The following EXOC2 variants were observed in gnomAD, a reference collection of about 807,000 sequenced individuals.
EXOC2 encodes the protein SEC5-like 1.
In EXOC2, 70 loss-of-function variants were observed where a neutral mutation model predicts 131.8. The ratio of observed to expected loss-of-function variants is 0.53; its 90% CI spans 0.44 to 0.65. The LOEUF is 0.65. EXOC2 is among the 30% of genes least tolerant of loss of function. The pLI, the probability that EXOC2 is intolerant of heterozygous loss-of-function variation, is 0.00. For synonymous variants in EXOC2, 411 were observed against 398.4 expected (o/e 1.03, Z -0.38); for missense variants, 923 against 1,108.6 (o/e 0.83, Z 2.38).
At chr6:608,354 C>T (rs974234181) in intron 7 of EXOC2, among the ~76,000 whole-genome samples, 1 of 152,126 alleles carries the variant, frequency 6.6e-6, no homozygotes, top group Non-Finnish European at 1.5e-5. Context: ...AAAAACATAT[C>T]CTAAGACAGC....
intron 1 of EXOC2, among the ~76,000 whole-genome samples, chr6:638,664 G>A (rs1053734800): frequency 6.6e-6 from 1 of 152,240 alleles, no homozygotes; most frequent in African/African-American, 2.4e-5. Flanking sequence ...CGGGTGCGGT[G>A]GCTCATGCCT....
At chr6:572,016 C>G (rs755696390) in intron 13 of EXOC2, among the ~76,000 whole-genome samples, 1 of 152,148 alleles carries the variant, frequency 6.6e-6, no homozygotes, top group Admixed American at 6.5e-5. Flanking sequence ...AGAAGGTGGA[C>G]GGGCTCATAA....
intron 1 of EXOC2, among the ~76,000 whole-genome samples, chr6:645,374 G>A (rs371411188): frequency 6.6e-5 from 10 of 152,104 alleles, no homozygotes; most frequent in Non-Finnish European, 1.2e-4. Flanking sequence ...TTACCTGGGC[G>A]TAGGTAAAGA....
intron 22 of EXOC2, among the ~76,000 whole-genome samples, chr6:535,677 T>C (rs1308592972): frequency 1.3e-5 from 2 of 152,174 alleles, no homozygotes; most frequent in African/African-American, 2.4e-5. Context: ...GACTTGACAA[T>C]GAGAACTTCA....
intron 22 of EXOC2, among the ~76,000 whole-genome samples, chr6:539,914 A>G (rs2127552449): frequency 6.6e-6 from 1 of 152,354 alleles, no homozygotes; most frequent in Admixed American, 6.5e-5. Context: ...TTACTGAACC[A>G]CAACTTGTCA....
intron 10 of EXOC2, 67 bp downstream of exon 10, chr6:597,954 G>A (rs1759910758): frequency 8.7e-7 from 1 of 1,149,086 alleles, no homozygotes; most frequent in Non-Finnish European, 1.3e-6. Flanking sequence ...TAGCCTTAAG[G>A]GTTACAAGAT....
At chr6:598,521 G>C (rs574210735) in intron 9 of EXOC2, among the ~76,000 whole-genome samples, 1 of 152,130 alleles carries the variant, frequency 6.6e-6, no homozygotes, top group South Asian at 2.1e-4. Flanking sequence ...TCAGTCTATG[G>C]GTCTCTCTGA....
At chr6:492,921 A>G (rs935475972) in intron 25 of EXOC2, among the ~76,000 whole-genome samples, 1 of 152,222 alleles carries the variant, frequency 6.6e-6, no homozygotes, top group Non-Finnish European at 1.5e-5. Flanking sequence ...ATATTTCATA[A>G]AAGTTTTAAG....
chr6:565,753 T>C (rs1250867674), intron 13 of EXOC2, among the ~76,000 whole-genome samples: 1 of 152,212 alleles, frequency 6.6e-6, no homozygotes, highest in Non-Finnish European at 1.5e-5. Context: ...AAGAGACCTT[T>C]CAAGTTAAGA....
At chr6:637,980 G>A (rs1434788614) in intron 1 of EXOC2, 119 bp from the exon 2 acceptor site, 1 of 649,596 alleles carries the variant, frequency 1.5e-6, no homozygotes, top group African/African-American at 1.9e-5. Context: ...ACAGAGTTTT[G>A]AATTTTTTAG....
intron 27 of EXOC2, among the ~76,000 whole-genome samples, chr6:487,983 A>C (rs1483181872): frequency 6.6e-6 from 1 of 152,226 alleles, no homozygotes; most frequent in Non-Finnish European, 1.5e-5. Context: ...ATTTATTTTA[A>C]AGAAATGAAC....
intron 11 of EXOC2, among the ~76,000 whole-genome samples, chr6:580,049 T>G (rs1272605970): frequency 1.5e-4 from 3 of 20,292 alleles, no homozygotes; most frequent in Non-Finnish European, 2.2e-4. Context: ...GTTTTTTTTG[T>G]TTTTTTTTTT....
chr6:629,613 G>T (rs146384237), intron 4 of EXOC2, among the ~76,000 whole-genome samples: 1 of 152,202 alleles, frequency 6.6e-6, no homozygotes, highest in East Asian at 1.9e-4. Flanking sequence ...TCAAAAAACT[G>T]AAGAGGTAAA....
At chr6:504,800 G>C (rs2127493509) in intron 23 of EXOC2, among the ~76,000 whole-genome samples, 1 of 152,256 alleles carries the variant, frequency 6.6e-6, no homozygotes, top group Non-Finnish European at 1.5e-5. Context: ...CATGTGCTGG[G>C]CATCAACAGG....
chr6:524,701 T>C (rs1765648997), intron 23 of EXOC2, among the ~76,000 whole-genome samples: 2 of 152,210 alleles, frequency 1.3e-5, no homozygotes, highest in African/African-American at 4.8e-5. Context: ...CCATTTGGAC[T>C]TGGAATTTTC....
intron 1 of EXOC2, among the ~76,000 whole-genome samples, chr6:684,588 T>C (rs9502432): frequency 0.14 from 21,812 of 152,184 alleles, 1,731 homozygotes; most frequent in African/African-American, 0.21. Context: ...TAATGAAGCA[T>C]ACAGGGATGG....
At chr6:531,893 AAT>A (rs1182201437) in intron 23 of EXOC2, among the ~76,000 whole-genome samples, 1 of 152,270 alleles carries the variant, frequency 6.6e-6, no homozygotes. Flanking sequence ...TTCAGAAAGC[AAT>A]AGTTATTTTA....
At chr6:530,818 C>T (rs770401447) in intron 23 of EXOC2, among the ~76,000 whole-genome samples, 20 of 152,186 alleles carry the variant, frequency 1.3e-4, no homozygotes, top group Admixed American at 1.0e-3. Flanking sequence ...GAAAATATTC[C>T]GGGGTGGGGG....
chr6:531,049 C>G (rs1467635890), intron 23 of EXOC2, among the ~76,000 whole-genome samples: 1 of 152,164 alleles, frequency 6.6e-6, no homozygotes, highest in East Asian at 1.9e-4. Flanking sequence ...GAATCTGGTA[C>G]CTGTGGGGAT....
Sources: gnomAD v4.1 joint callset for allele counts (sites outside exome capture counted in the v4.1 genomes callset) on GRCh38, gnomAD v4.1.1 for gene constraint, MANE v1.5 for transcripts, NCBI Gene and HGNC (gene_info 2026-07-23, HGNC 2026-07-21) for gene names.